RASGEF1C: variants seen among roughly 807,000 people sequenced by gnomAD.
The protein encoded by RASGEF1C is ras-GEF domain-containing family member 1C.
RASGEF1C carries 27 observed loss-of-function variants against 58.1 expected under a neutral mutation model. The observed-to-expected ratio is 0.46, with a 90% confidence interval of 0.34 to 0.64. The LOEUF (loss-of-function observed/expected upper bound fraction) is 0.64. Among genes scored for constraint, RASGEF1C ranks in the 30% least tolerant of loss-of-function variants. The pLI is 0.01. For missense variants in RASGEF1C, 502 were observed against 605.1 expected (o/e 0.83, Z 1.79); for synonymous variants, 243 against 246.3 (o/e 0.99, Z 0.13).
chr5:180,157,162 G>A (rs1766865209), intron 1 of RASGEF1C, among the ~76,000 whole-genome samples: 2 of 152,162 alleles, frequency 1.3e-5, no homozygotes, highest in Non-Finnish European at 1.5e-5. Context: ...CTCATTTCTT[G>A]GTATTTACCC....
At chr5:180,149,088 C>CTTTTTTTTTTT (rs61204210) in intron 1 of RASGEF1C, among the ~76,000 whole-genome samples, 19 of 110,158 alleles carry the variant, frequency 1.7e-4, no homozygotes, top group African/African-American at 6.0e-4. Flanking sequence ...CTTTTTTTTT[C>CTTTTTTTTTTT]TTTTTTTTTT....
chr5:180,121,037 G>A, intron 7 of RASGEF1C, 23 bp downstream of exon 7: 2 of 1,587,886 alleles, frequency 1.3e-6, no homozygotes, highest in Non-Finnish European at 1.7e-6. Context: ...GCCAGGTGGT[G>A]CCCACCCTGG....
At chr5:180,133,275 A>G (rs1477986202) in intron 4 of RASGEF1C, among the ~76,000 whole-genome samples, 1 of 152,174 alleles carries the variant, frequency 6.6e-6, no homozygotes, top group Admixed American at 6.5e-5. Context: ...TGGCCTCCTC[A>G]GTCCCTCTCC....
rs1384236384 is a variant in RASGEF1C, at chr5:180,128,556, C to A, written c.493G>T (p.Ala165Ser). The A allele has an allele frequency of 6.2e-6, 10 of 1,614,074 alleles. No individual in the cohort carries two copies. The highest frequency in any genetic ancestry group is 8.5e-6 in the Non-Finnish European group (10 of 1,180,018). The change falls in exon 5 of 14, where the codon GCT becomes TCT. Residue 165 changes from alanine (A) to serine (S), a missense_variant. Ala to Ser is a moderately conservative substitution (Grantham distance 99). Coordinates refer to ENST00000361132, the MANE Select transcript of RASGEF1C (RefSeq NM_175062.4). Reference protein sequence around the residue: ...LLQALHQKLAALRQGPEGLVG... With the variant: ...LLQALHQKLASLRQGPEGLVG... The stretch of plus-strand genomic sequence containing the variant: ...AGACCTTCTGGCCCCTGGCGCAGAG[C>A]CGCCAGCTTCTGGTGCAGAGCCTGT...
rs969355020 is a variant in RASGEF1C, at chr5:180,112,144, C to T, written c.1180-564G>A. On this transcript the variant is annotated intron_variant, in intron 11 of 13. Transcript: ENST00000361132. ...GCTCTGAGGATCAATTCAGGAAGGG[C>T]TAAGGCAGGGGGTTCCCACGCCTGG... 2.0e-5 allele frequency among the ~76,000 whole-genome samples: 3 copies of T among 152,170 alleles called. No homozygotes were observed. In the East Asian group the frequency reaches 5.8e-4, roughly 29 times the overall value.
At chr5:180,140,069 G>T (rs1766550519) in intron 1 of RASGEF1C, among the ~76,000 whole-genome samples, 1 of 152,196 alleles carries the variant, frequency 6.6e-6, no homozygotes, top group Non-Finnish European at 1.5e-5. Flanking sequence ...CAGCCAGGAG[G>T]CTCCCAGGGG....
chr5:180,112,894 G>A (rs1176576342), intron 11 of RASGEF1C, among the ~76,000 whole-genome samples: 1 of 151,824 alleles, frequency 6.6e-6, no homozygotes, highest in African/African-American at 2.4e-5. Flanking sequence ...GACCGGGGAT[G>A]GACGGAGGGA....
chr5:180,110,548 T>C (rs1765942164), intron 12 of RASGEF1C, among the ~76,000 whole-genome samples: 1 of 152,132 alleles, frequency 6.6e-6, no homozygotes, highest in Non-Finnish European at 1.5e-5. Context: ...CCACCCCAGC[T>C]CAAGCCCACA....
rs1756291303 is a variant in RASGEF1C, at chr5:180,197,022, G to C, written c.-7+12006C>G. On this transcript the variant is annotated intron_variant, in intron 1 of 13. Coordinates refer to ENST00000361132, the MANE Select transcript of RASGEF1C (RefSeq NM_175062.4). The surrounding 1 kb of genome is among the most constrained non-coding windows in gnomAD (Gnocchi z 4.7). Reference sequence around the variant, plus strand: ...ATGTGGAGCTGGGTGTGCTGCCCGAGGCTGGCGTCGGTGAGGCTCCCCTCA... The same window carrying C: ...ATGTGGAGCTGGGTGTGCTGCCCGACGCTGGCGTCGGTGAGGCTCCCCTCA... 6.6e-6 allele frequency among the ~76,000 whole-genome samples: 1 copy of C among 152,222 alleles called. No homozygotes were observed. Among genetic ancestry groups the C allele is most frequent in the African/African-American group, 2.4e-5 (1 of 41,450 alleles).
intron 1 of RASGEF1C, among the ~76,000 whole-genome samples, chr5:180,185,934 CA>C (rs1282871348): frequency 6.6e-6 from 1 of 151,602 alleles, no homozygotes; most frequent in East Asian, 1.9e-4. Context: ...CCTGTCTCTC[CA>C]AAAAATGCAA....
chr5:180,136,201 G>T (rs188401836), intron 4 of RASGEF1C, among the ~76,000 whole-genome samples, 177 bp downstream of exon 4: 1 of 152,342 alleles, frequency 6.6e-6, no homozygotes, highest in East Asian at 1.9e-4. Flanking sequence ...ACCAGACTCC[G>T]CGTTCCCTCC....
chr5:180,198,934 G>A lies in RASGEF1C; in HGVS notation c.-7+10094C>T, dbSNP rs545735663. ...GCCTTGAGGCTGGAGGAGTGAGGAA[G>A]TAGGAGAAAGCCCCCAGGAAGGACT... On this transcript the variant is annotated intron_variant, in intron 1 of 13. Transcript: ENST00000361132. The surrounding 1 kb of genome is among the most constrained non-coding windows in gnomAD (Gnocchi z 4.5). 6.6e-5 allele frequency among the ~76,000 whole-genome samples: 10 copies of A among 152,074 alleles called. No individual in the cohort carries two copies. Among genetic ancestry groups the A allele is most frequent in the Admixed American group, 6.5e-4 (10 of 15,300 alleles).
Position 180,137,244 on chromosome 5 carries a change from C to G in RASGEF1C, c.300+346G>C, listed in dbSNP as rs761720732. On this transcript the variant is annotated intron_variant, in intron 3 of 13. Transcript: ENST00000361132. This position sits in a 1 kb window ranked among gnomAD's most constrained non-coding sequence, Gnocchi z 4.1. Reference sequence around the variant, plus strand: ...GTGCAATAGAGGCAGCCCGCAGGACCCGGCCAGGACTGGGAAGGTGGAGCG... The same window carrying G: ...GTGCAATAGAGGCAGCCCGCAGGACGCGGCCAGGACTGGGAAGGTGGAGCG... 5.9e-5 allele frequency among the ~76,000 whole-genome samples: 9 copies of G among 152,172 alleles called. No homozygotes were observed. The highest frequency in any genetic ancestry group is 1.2e-4 in the Non-Finnish European group (8 of 68,020).
intron 12 of RASGEF1C, among the ~76,000 whole-genome samples, chr5:180,108,961 C>CT (rs1419590051): frequency 6.6e-6 from 1 of 152,182 alleles, no homozygotes; most frequent in Non-Finnish European, 1.5e-5. Flanking sequence ...ACAGTTTTGT[C>CT]TGTGTTAACT....
intron 11 of RASGEF1C, among the ~76,000 whole-genome samples, chr5:180,112,440 C>T (rs1297395059): frequency 6.6e-6 from 1 of 152,234 alleles, no homozygotes; most frequent in African/African-American, 2.4e-5. Context: ...GGCCATGCTG[C>T]ACCTCTACCC....
intron 1 of RASGEF1C, among the ~76,000 whole-genome samples, chr5:180,186,101 GA>G (rs35778456): frequency 0.59 from 47,939 of 81,276 alleles, 11,059 homozygotes; most frequent in Admixed American, 0.68. Context: ...TATCTCCACA[GA>G]AAAAAAAAAA....
chr5:180,173,603 T>G (rs1346532598), intron 1 of RASGEF1C, among the ~76,000 whole-genome samples: 1 of 152,144 alleles, frequency 6.6e-6, no homozygotes, highest in Admixed American at 6.5e-5. Flanking sequence ...AATTTCAAAT[T>G]TGGGGGAATG....
chr5:180,112,252 A>G (rs987502537), intron 11 of RASGEF1C, among the ~76,000 whole-genome samples: 1 of 152,184 alleles, frequency 6.6e-6, no homozygotes, highest in Non-Finnish European at 1.5e-5. Flanking sequence ...TCTTGTCCAC[A>G]TCACCTCCAG....
intron 1 of RASGEF1C, among the ~76,000 whole-genome samples, chr5:180,181,642 A>T (rs1413882631): frequency 6.6e-6 from 1 of 152,200 alleles, no homozygotes. Flanking sequence ...AGAAGCTGGG[A>T]ACAGGCAGGG....
Sources: allele counts gnomAD v4.1 joint callset (sites outside exome capture counted in the v4.1 genomes callset), GRCh38; gene constraint gnomAD v4.1.1; non-coding constraint Gnocchi (gnomAD v3.1); transcripts MANE v1.5; gene names NCBI Gene and HGNC (gene_info 2026-07-23, HGNC 2026-07-21).